Variants in CBFA2T3 observed in about 807,000 individuals in gnomAD.
The protein encoded by CBFA2T3 is transcriptional corepressor CBFA2T3.
Under a neutral mutation model 58.6 loss-of-function variants are expected in CBFA2T3, and 31 were observed. The observed-to-expected ratio is 0.53, with a 90% CI of 0.40 to 0.71. The LOEUF (loss-of-function observed/expected upper bound fraction) is 0.71, where lower values mean the gene tolerates loss of function less well. Ranked by LOEUF, CBFA2T3 falls within the 30% of genes least tolerant of loss-of-function variation. The pLI is 0.00. For missense variants in CBFA2T3, 1,076 were observed against 963.1 expected (o/e 1.12, Z -1.55); for synonymous variants, 531 against 421.9 (o/e 1.26, Z -3.17).
chr16:88,967,892 C>T (rs1972556066), intron 1 of CBFA2T3, among the ~76,000 whole-genome samples: 1 of 152,234 alleles, frequency 6.6e-6, no homozygotes, highest in Non-Finnish European at 1.5e-5. Context: ...GGCGCCCACC[C>T]TCCCTTGCAG....
At position 88,953,268 on chromosome 16, in the gene CBFA2T3, A is replaced by G. The variant is rs551030901; in HGVS notation, c.151+23389T>C. ...GAGGGACCCTCATTTCTACGTTTGC[A>G]TCCCTTTCTTCCAGGGCCTGCGGGG... On this transcript the variant is annotated intron_variant, in intron 1 of 11. Coordinates refer to ENST00000268679, the MANE Select transcript of CBFA2T3 (RefSeq NM_005187.6). The surrounding 1 kb of genome is among the most constrained non-coding windows in gnomAD (Gnocchi z 4.9). 1.3e-5 allele frequency among the ~76,000 whole-genome samples: 2 copies of G among 152,110 alleles called. No homozygotes were observed. Among genetic ancestry groups the G allele is most frequent in the African/African-American group, 4.8e-5 (2 of 41,418 alleles).
At chr16:88,968,267 G>A (rs143760364) in intron 1 of CBFA2T3, among the ~76,000 whole-genome samples, 2 of 152,210 alleles carry the variant, frequency 1.3e-5, no homozygotes. Flanking sequence ...GAGGGGCTCA[G>A]TAGGGAGGGG....
chr16:88,895,655 C>T (rs76320324), intron 3 of CBFA2T3, among the ~76,000 whole-genome samples: 1 of 152,300 alleles, frequency 6.6e-6, no homozygotes, highest in African/African-American at 2.4e-5. Context: ...TCCCCCGGGG[C>T]CCAGCGCTCA....
At chr16:88,925,345 G>A (rs890497240) in intron 1 of CBFA2T3, among the ~76,000 whole-genome samples, 34 of 152,212 alleles carry the variant, frequency 2.2e-4, no homozygotes, top group Admixed American at 3.9e-4. Context: ...GGTGCCTTCC[G>A]GGTACCCTGA....
chr16:88,901,062 A>C (rs942515751), intron 2 of CBFA2T3, among the ~76,000 whole-genome samples: 1 of 152,250 alleles, frequency 6.6e-6, no homozygotes, highest in African/African-American at 2.4e-5. Flanking sequence ...GCCTGTACGC[A>C]GGTGACCTGC....
At position 88,874,967 on chromosome 16, in the gene CBFA2T3, C is replaced by G. The variant is rs949992720; in HGVS notation, c.*2009G>C. ...TCACATTAACGTACACGCTCAGCTTCAGGCCTCTGGCGGGCTGTTCGTGGC... is the reference window on the plus strand; with the variant it reads ...TCACATTAACGTACACGCTCAGCTTGAGGCCTCTGGCGGGCTGTTCGTGGC... On this transcript the variant is annotated 3_prime_UTR_variant, in exon 12 of 12. Coordinates refer to ENST00000268679, the MANE Select transcript of CBFA2T3 (RefSeq NM_005187.6). The G allele has an allele frequency of 1.3e-5, 3 of 233,450 alleles. No homozygotes were observed. The highest frequency in any genetic ancestry group is 6.6e-5 in the African/African-American group (3 of 45,340). The allele number at this position is 233,450 out of a possible 1,614,324, so 14.5% of individuals were successfully genotyped here. A position where few individuals can be genotyped will look rare whatever the true frequency, so the allele number is the denominator to read the frequency against.
intron 1 of CBFA2T3, among the ~76,000 whole-genome samples, chr16:88,949,254 C>T (rs555915158): frequency 3.9e-5 from 6 of 152,190 alleles, no homozygotes; most frequent in Non-Finnish European, 7.3e-5. Flanking sequence ...AGACAGGGGA[C>T]CCCGATAAGA....
intron 1 of CBFA2T3, among the ~76,000 whole-genome samples, chr16:88,971,996 C>T (rs1420411873): frequency 6.6e-6 from 1 of 152,220 alleles, no homozygotes; most frequent in Non-Finnish European, 1.5e-5. Context: ...CTCCTAGAGC[C>T]GCCCCCATGG....
rs1419907982 is a variant in CBFA2T3, at chr16:88,901,518, A to G, written c.290T>C (p.Phe97Ser). 6.8e-7 allele frequency: 1 copy of G among 1,475,502 alleles called. No homozygotes were observed. The highest frequency in any genetic ancestry group is 2.9e-5 in the Admixed American group (1 of 34,914). The allele number at this position is 1,475,502 out of a possible 1,614,324, so 91.4% of individuals were successfully genotyped here. A position where few individuals can be genotyped will look rare whatever the true frequency, so the allele number is the denominator to read the frequency against. ...ASQGATRPPS[F>S]TPHTHREDGP... ...GGGCTACTTACGTGTGTGTGGCGTGAAGGAGGGGGGGCGTGTGGCCCCCTG... is the reference window on the plus strand; with the variant it reads ...GGGCTACTTACGTGTGTGTGGCGTGGAGGAGGGGGGGCGTGTGGCCCCCTG... Residue 97 changes from phenylalanine to serine, a missense_variant, in exon 2 of 12, where the codon TTC becomes TCC. Transcript: ENST00000268679.
intron 3 of CBFA2T3, among the ~76,000 whole-genome samples, chr16:88,894,607 A>G (rs569066781): frequency 6.8e-6 from 1 of 146,948 alleles, no homozygotes; most frequent in Non-Finnish European, 1.5e-5. Flanking sequence ...CACACAATGT[A>G]CACACATGCA....
At chr16:88,891,824 G>A in intron 5 of CBFA2T3, 58 bp downstream of exon 5, 1 of 1,204,188 alleles carries the variant, frequency 8.3e-7, no homozygotes, top group African/African-American at 1.5e-5. Context: ...GGCAAGGAGT[G>A]GGATTAAGGG....
chr16:88,947,306 A>G (rs1210707931), intron 1 of CBFA2T3, among the ~76,000 whole-genome samples: 2 of 152,240 alleles, frequency 1.3e-5, no homozygotes, highest in African/African-American at 4.8e-5. Context: ...GAGGATATCA[A>G]TGACATTTTA....
intron 7 of CBFA2T3, chr16:88,883,444 A>G (rs1352133203): frequency 6.5e-6 from 1 of 153,816 alleles, no homozygotes; most frequent in East Asian, 1.9e-4. Flanking sequence ...GGCCCATCCT[A>G]TTCGGGGTTG....
At chr16:88,889,178 C>G (rs1221148925) in intron 5 of CBFA2T3, among the ~76,000 whole-genome samples, 1 of 151,594 alleles carries the variant, frequency 6.6e-6, no homozygotes, top group African/African-American at 2.4e-5. Flanking sequence ...CGCTAACGAA[C>G]TGCAAACGAC....
rs540045457 is a variant in CBFA2T3, at chr16:88,952,757, C to T, written c.151+23900G>A. ...TCCTGAGTCTGGGAGAGACGCCTCCCATACCCCCATGACAGCCCATCACAA... is the reference window on the plus strand; with the variant it reads ...TCCTGAGTCTGGGAGAGACGCCTCCTATACCCCCATGACAGCCCATCACAA... On this transcript the variant is annotated intron_variant, in intron 1 of 11. Coordinates refer to ENST00000268679, the MANE Select transcript of CBFA2T3 (RefSeq NM_005187.6). Among the ~76,000 whole-genome samples the T allele has an allele frequency of 2.0e-4, 30 of 152,278 alleles. No homozygotes were observed. In the South Asian group the frequency reaches 5.4e-3, roughly 27 times the overall value.
chr16:88,881,659 T>C, intron 8 of CBFA2T3, 170 bp from the exon 9 acceptor site: 1 of 644,354 alleles, frequency 1.6e-6, no homozygotes, highest in South Asian at 2.2e-5. Context: ...CAAAGATGGG[T>C]CCCTAGCCTG....
intron 1 of CBFA2T3, among the ~76,000 whole-genome samples, chr16:88,947,579 A>G (rs781298188): frequency 6.6e-6 from 1 of 152,254 alleles, no homozygotes. Flanking sequence ...TACAACCGAT[A>G]CAAACAATGT....
At chr16:88,942,510 C>G (rs976174199) in intron 1 of CBFA2T3, among the ~76,000 whole-genome samples, 3 of 152,106 alleles carry the variant, frequency 2.0e-5, no homozygotes, top group Non-Finnish European at 4.4e-5. Context: ...GGGCCTTTTC[C>G]CCCCACCCCT....
intron 1 of CBFA2T3, chr16:88,941,074 G>A (rs1971708462): frequency 1.0e-6 from 1 of 985,034 alleles, no homozygotes; most frequent in Non-Finnish European, 1.2e-6. Context: ...CTCGCGACTC[G>A]GTCCGGGAGT....
Sources: gnomAD v4.1 joint callset for allele counts (sites outside exome capture counted in the v4.1 genomes callset) on GRCh38, gnomAD v4.1.1 for gene constraint, Gnocchi (gnomAD v3.1) non-coding constraint, MANE v1.5 for transcripts, NCBI Gene and HGNC (gene_info 2026-07-23, HGNC 2026-07-21) for gene names.